ADD2: variants seen among roughly 807,000 people sequenced by gnomAD.
ADD2 encodes the protein beta-adducin.
In ADD2, 23 loss-of-function variants were observed where a neutral mutation model predicts 83.0. The ratio of observed to expected loss-of-function variants is 0.28; its 90% CI spans 0.20 to 0.39. The LOEUF is 0.39. Among genes scored for constraint, ADD2 ranks in the 10% least tolerant of loss-of-function variants. The pLI is 1.00. For missense variants in ADD2, 758 were observed against 944.9 expected (o/e 0.80, Z 2.59); for synonymous variants, 375 against 375.4 (o/e 1.00, Z 0.01).
intron 9 of ADD2, among the ~76,000 whole-genome samples, chr2:70,685,515 G>A (rs11892498): frequency 0.066 from 10,023 of 152,214 alleles, 559 homozygotes; most frequent in African/African-American, 0.15. Context: ...GCACAGACCT[G>A]GGCACCAGGC....
intron 1 of ADD2, among the ~76,000 whole-genome samples, chr2:70,715,554 C>A (rs1672420394): frequency 6.6e-6 from 1 of 152,150 alleles, no homozygotes. Flanking sequence ...CTGCCCCCTG[C>A]TCTTGGTGTG....
intron 1 of ADD2, among the ~76,000 whole-genome samples, chr2:70,724,314 G>A (rs548448535): frequency 5.3e-5 from 8 of 152,282 alleles, no homozygotes; most frequent in Admixed American, 2.6e-4. Flanking sequence ...CCACCACTGC[G>A]TGCTCATTTC....
rs375014240 is a variant in ADD2, at chr2:70,735,882, T to TTTC, written c.-153-22699_-153-22698insGAA. Among the ~76,000 whole-genome samples the TTTC allele has an allele frequency of 7.0e-3, 988 of 140,670 alleles. 51 individuals carry two copies. Among genetic ancestry groups the TTTC allele is most frequent in the African/African-American group, 0.026 (903 of 34,452 alleles). The allele number at this position is 140,670 out of a possible 152,430, so 92.3% of individuals were successfully genotyped here. On this transcript the variant is annotated intron_variant, in intron 1 of 15. Transcript: ENST00000264436. ...GCTTTTTTTTTTTTTTTTTTTTTTT[T>TTTC]AGTAAAGATGGGGTTTCACCATGTT...
At chr2:70,698,283 T>C (rs1553373033) in intron 4 of ADD2, among the ~76,000 whole-genome samples, 1 of 152,202 alleles carries the variant, frequency 6.6e-6, no homozygotes. Flanking sequence ...TCACATCATC[T>C]GTGTCTGTAT....
intron 1 of ADD2, among the ~76,000 whole-genome samples, chr2:70,762,798 C>G (rs1041561346): frequency 1.3e-5 from 2 of 149,418 alleles, no homozygotes; most frequent in Non-Finnish European, 3.0e-5. Context: ...CTCCGCCTCC[C>G]GGGTTCAAGC....
intron 10 of ADD2, among the ~76,000 whole-genome samples, chr2:70,681,943 C>A (rs1670473525): frequency 6.6e-6 from 1 of 152,064 alleles, no homozygotes; most frequent in South Asian, 2.1e-4. Flanking sequence ...GTCTTGAACT[C>A]CTGGGCTCAA....
chr2:70,763,153 T>G (rs1426004541), intron 1 of ADD2, among the ~76,000 whole-genome samples: 2 of 152,030 alleles, frequency 1.3e-5, no homozygotes, highest in Non-Finnish European at 2.9e-5. Flanking sequence ...AGGATACACT[T>G]TCTCTTCATC....
At chr2:70,669,242 A>G (rs1669800398) in intron 15 of ADD2, among the ~76,000 whole-genome samples, 1 of 152,206 alleles carries the variant, frequency 6.6e-6, no homozygotes, top group African/African-American at 2.4e-5. Flanking sequence ...TAAATTCTCA[A>G]ACATCCGTGT....
In ADD2 at chr2:70,696,234, G is replaced by C. The variant is rs782486788; in HGVS notation, c.474+11C>G. ...GCAGTGCCCCACCCAATTCCAGGGC[G>C]TTCTGCTCACCGTGACATAGGTGTC... is the stretch of plus-strand genomic sequence containing the variant. On this transcript the variant is annotated intron_variant, in intron 5 of 15. Coordinates refer to ENST00000264436, the MANE Select transcript of ADD2 (RefSeq NM_001617.4). The C allele has an allele frequency of 6.2e-7, 1 of 1,609,276 alleles. No homozygotes were observed. The highest frequency in any genetic ancestry group is 8.5e-7 in the Non-Finnish European group (1 of 1,177,942).
intron 4 of ADD2, among the ~76,000 whole-genome samples, chr2:70,696,809 T>C (rs1020978090): frequency 3.3e-5 from 5 of 152,188 alleles, no homozygotes; most frequent in Admixed American, 6.5e-5. Flanking sequence ...AGCTATTACA[T>C]TGTTTTAACG....
At chr2:70,685,312 C>A (rs1395434135) in intron 9 of ADD2, among the ~76,000 whole-genome samples, 2 of 152,112 alleles carry the variant, frequency 1.3e-5, no homozygotes, top group Non-Finnish European at 2.9e-5. Flanking sequence ...TAACAAATGC[C>A]CCTGTGATAC....
At chr2:70,715,288 A>G (rs1553376162) in intron 1 of ADD2, among the ~76,000 whole-genome samples, 1 of 152,118 alleles carries the variant, frequency 6.6e-6, no homozygotes, top group African/African-American at 2.4e-5. Flanking sequence ...GAGTTTAGAT[A>G]ATCCTGGCCA....
intron 1 of ADD2, among the ~76,000 whole-genome samples, chr2:70,765,349 T>TTG (rs1675328451): frequency 6.6e-6 from 1 of 152,220 alleles, no homozygotes; most frequent in Non-Finnish European, 1.5e-5. Context: ...TGAGATTGTG[T>TTG]CTCAAAAAAA....
chr2:70,668,551 G>A (rs1463938101), intron 15 of ADD2, among the ~76,000 whole-genome samples: 1 of 152,042 alleles, frequency 6.6e-6, no homozygotes, highest in African/African-American at 2.4e-5. Context: ...ACTCTTTTAC[G>A]TCTCTAACAA....
intron 1 of ADD2, among the ~76,000 whole-genome samples, chr2:70,766,957 A>G (rs973793295): frequency 3.9e-5 from 6 of 152,022 alleles, no homozygotes; most frequent in African/African-American, 1.4e-4. Flanking sequence ...TTTATTTTCT[A>G]TTTCTATTTC....
chr2:70,664,706 TGTGA>T (rs546685635), intron 15 of ADD2, among the ~76,000 whole-genome samples: 252 of 151,794 alleles, frequency 1.7e-3, no homozygotes, highest in African/African-American at 5.7e-3. Context: ...GGTGAGCACG[TGTGA>T]GTGTGTACAA....
intron 4 of ADD2, 58 bp downstream of exon 4, chr2:70,704,263 T>TGCCCCCCCCCCCCACC: frequency 2.2e-6 from 2 of 913,238 alleles, no homozygotes; most frequent in East Asian, 2.9e-5. Flanking sequence ...CTCCCTCTCT[T>TGCCCCCCCCCCCCACC]CCCCACCCCA....
chr2:70,750,901 A>G (rs1674472290), intron 1 of ADD2, among the ~76,000 whole-genome samples: 2 of 152,196 alleles, frequency 1.3e-5, no homozygotes, highest in African/African-American at 4.8e-5. Context: ...CTGGCCATGT[A>G]GAGAAACTGC....
chr2:70,677,301 AG>A (rs1670209513), intron 12 of ADD2, among the ~76,000 whole-genome samples: 1 of 152,098 alleles, frequency 6.6e-6, no homozygotes, highest in African/African-American at 2.4e-5. Flanking sequence ...CAAGCGCTGT[AG>A]GGTATCCGGG....
Sources: allele counts gnomAD v4.1 joint callset (sites outside exome capture counted in the v4.1 genomes callset), GRCh38; gene constraint gnomAD v4.1.1; transcripts MANE v1.5; gene names NCBI Gene and HGNC (gene_info 2026-07-23, HGNC 2026-07-21).